Variants in OTUD7A observed in about 807,000 individuals in gnomAD.
OTUD7A encodes the protein OTU deubiquitinase 7A, also known as OTU domain-containing protein 7A.
In OTUD7A, 12 loss-of-function variants were observed where a neutral mutation model predicts 65.7. The ratio of observed to expected loss-of-function variants is 0.18; its 90% CI spans 0.12 to 0.30. OTUD7A has a LOEUF of 0.30. Ranked by LOEUF, OTUD7A falls within the 10% of genes least tolerant of loss-of-function variation. The probability of loss-of-function intolerance (pLI) is 1.00; values close to 1 mark genes in which losing one functional copy is unlikely to be tolerated. For synonymous variants in OTUD7A, 641 were observed against 586.3 expected (o/e 1.09, Z -1.35); for missense variants, 1,148 against 1,304.8 (o/e 0.88, Z 1.85).
chr15:31,646,222 C>A (rs1460633605), intron 3 of OTUD7A, among the ~76,000 whole-genome samples: 1 of 152,022 alleles, frequency 6.6e-6, no homozygotes, highest in Non-Finnish European at 1.5e-5. Context: ...AAGGGAATGG[C>A]ATGGAATTCC....
chr15:31,511,091 T>C lies in OTUD7A; in HGVS notation c.894-7273A>G, dbSNP rs1342135855. On this transcript the variant is annotated intron_variant, in intron 8 of 12. Transcript: ENST00000307050. ...TATATATGTATATCTATATGTAACA[T>C]ACATATGTATATCTATATGTAACAT... is the stretch of plus-strand genomic sequence containing the variant. 2.9e-3 allele frequency among the ~76,000 whole-genome samples: 116 copies of C among 39,376 alleles called. 22 individuals carry two copies. Among genetic ancestry groups the C allele is most frequent in the South Asian group, 4.4e-3 (9 of 2,040 alleles). 25.8% of individuals were successfully genotyped at this position (39,376 alleles called of 152,430 possible).
chr15:31,636,007 G>C (rs1392462595), intron 3 of OTUD7A, among the ~76,000 whole-genome samples: 1 of 152,214 alleles, frequency 6.6e-6, no homozygotes, highest in African/African-American at 2.4e-5. Flanking sequence ...GTCTGCATCA[G>C]TCCTTTTAAA....
At chr15:31,792,429 C>G (rs933791568) in intron 1 of OTUD7A, among the ~76,000 whole-genome samples, 2 of 152,210 alleles carry the variant, frequency 1.3e-5, no homozygotes, top group Admixed American at 6.5e-5. Flanking sequence ...GTCCTGCCGC[C>G]CTCTCCATAG....
intron 1 of OTUD7A, among the ~76,000 whole-genome samples, chr15:31,844,121 C>T (rs1028689993): frequency 1.3e-5 from 2 of 152,176 alleles, no homozygotes; most frequent in East Asian, 1.9e-4. Context: ...CATTTAAAGA[C>T]ACTTTCCACC....
chr15:31,655,897 C>T (rs1278205618), intron 2 of OTUD7A, among the ~76,000 whole-genome samples: 4 of 152,182 alleles, frequency 2.6e-5, no homozygotes, highest in Non-Finnish European at 4.4e-5. Flanking sequence ...TGTAATACTT[C>T]CACAATGTGA....
intron 3 of OTUD7A, among the ~76,000 whole-genome samples, chr15:31,602,442 A>G (rs930672648): frequency 6.6e-6 from 1 of 152,220 alleles, no homozygotes; most frequent in Non-Finnish European, 1.5e-5. Flanking sequence ...CTAGGTATCA[A>G]TGGAACATAT....
At chr15:31,659,045 A>AATG (rs1566964172) in intron 1 of OTUD7A, among the ~76,000 whole-genome samples, 1,099 of 94,210 alleles carry the variant, frequency 0.012, 4 homozygotes, top group Non-Finnish European at 0.016. Context: ...ATGAATGAAT[A>AATG]AATAAATAAA....
chr15:31,599,659 T>C (rs569807779), intron 3 of OTUD7A, among the ~76,000 whole-genome samples: 7 of 152,158 alleles, frequency 4.6e-5, no homozygotes, highest in African/African-American at 1.7e-4. Context: ...TTGACAGAGG[T>C]AGGCTTCAGA....
chr15:31,824,400 AG>A (rs1896753390), intron 1 of OTUD7A, among the ~76,000 whole-genome samples: 17 of 152,170 alleles, frequency 1.1e-4, no homozygotes, highest in Non-Finnish European at 2.4e-4. Flanking sequence ...CAACACACTG[AG>A]CATTCGGCAA....
At chr15:31,567,423 G>A (rs901103682) in intron 4 of OTUD7A, among the ~76,000 whole-genome samples, 2 of 152,248 alleles carry the variant, frequency 1.3e-5, no homozygotes, top group Admixed American at 1.3e-4. Flanking sequence ...AGATGCTGCA[G>A]CAAAGATAGG....
intron 1 of OTUD7A, among the ~76,000 whole-genome samples, chr15:31,737,170 A>C (rs1037159217): frequency 6.6e-6 from 1 of 152,244 alleles, no homozygotes; most frequent in Non-Finnish European, 1.5e-5. Flanking sequence ...GAAATATTTA[A>C]CCAGATAATG....
chr15:31,557,491 G>A (rs1005999833), intron 5 of OTUD7A: 1 of 152,260 alleles, frequency 6.6e-6, no homozygotes, highest in African/African-American at 2.4e-5. Flanking sequence ...GAACCTGGAT[G>A]GTGGAGGAAG....
chr15:31,783,416 T>C (rs1895592107), intron 1 of OTUD7A, among the ~76,000 whole-genome samples: 1 of 152,162 alleles, frequency 6.6e-6, no homozygotes, highest in Non-Finnish European at 1.5e-5. Context: ...TGTGTTGACA[T>C]TCATGGTATC....
chr15:31,810,875 C>T (rs1896397128), intron 1 of OTUD7A, among the ~76,000 whole-genome samples: 1 of 152,214 alleles, frequency 6.6e-6, no homozygotes, highest in Admixed American at 6.5e-5. Context: ...CCTCCATCCC[C>T]AGGAGGCTCT....
At position 31,737,372 on chromosome 15, in the gene OTUD7A, C is replaced by T. The variant is rs982729426; in HGVS notation, c.-99-80295G>A. ...AACAAGCGGTTTACAGAAATGGAAT[C>T]AAGATGGCCAGTAATGCATCAAAAA... On this transcript the variant is annotated intron_variant, in intron 1 of 12. Transcript: ENST00000307050. 1.1e-4 allele frequency among the ~76,000 whole-genome samples: 16 copies of T among 152,190 alleles called. No homozygotes were observed. The East Asian group carries it at 3.1e-3, about 29-fold the overall frequency.
At chr15:31,718,658 T>A (rs978194250) in intron 1 of OTUD7A, among the ~76,000 whole-genome samples, 3 of 141,202 alleles carry the variant, frequency 2.1e-5, no homozygotes, top group Admixed American at 1.4e-4. Context: ...ACCACCCACT[T>A]ATTGGCTGGA....
chr15:31,837,864 C>T (rs1359869879), intron 1 of OTUD7A, among the ~76,000 whole-genome samples: 1 of 152,170 alleles, frequency 6.6e-6, no homozygotes, highest in African/African-American at 2.4e-5. Flanking sequence ...AATCATTATA[C>T]CTGATTTTAA....
At chr15:31,621,398 G>A (rs903353842) in intron 3 of OTUD7A, among the ~76,000 whole-genome samples, 2 of 152,150 alleles carry the variant, frequency 1.3e-5, no homozygotes, top group East Asian at 1.9e-4. Context: ...TTGTGTGGGA[G>A]TCTAAGTCTC....
intron 3 of OTUD7A, among the ~76,000 whole-genome samples, chr15:31,636,959 A>T (rs970334530): frequency 5.3e-5 from 8 of 152,326 alleles, no homozygotes; most frequent in Middle Eastern, 3.4e-3. Context: ...TAAGGAAAAA[A>T]GCCATCTTCA....
Sources: allele counts gnomAD v4.1 joint callset (sites outside exome capture counted in the v4.1 genomes callset), GRCh38; gene constraint gnomAD v4.1.1; transcripts MANE v1.5; gene names NCBI Gene and HGNC (gene_info 2026-07-23, HGNC 2026-07-21).